GALNTL6: variants seen among roughly 807,000 people sequenced by gnomAD.
The protein encoded by GALNTL6 is polypeptide N-acetylgalactosaminyltransferase like 6.
A neutral mutation model predicts 73.7 loss-of-function variants in GALNTL6; 46 were observed. The ratio of observed to expected loss-of-function variants is 0.62; its 90% CI spans 0.49 to 0.80. The LOEUF (loss-of-function observed/expected upper bound fraction) is 0.80. Among genes scored for constraint, GALNTL6 ranks in the 30% least tolerant of loss-of-function variants. The pLI, the probability that GALNTL6 is intolerant of heterozygous loss-of-function variation, is 0.00. For synonymous variants in GALNTL6, 259 were observed against 263.7 expected (o/e 0.98, Z 0.17); for missense variants, 604 against 755.0 (o/e 0.80, Z 2.34).
chr4:172,288,544 A>G (rs977076046), intron 3 of GALNTL6, among the ~76,000 whole-genome samples: 6 of 152,202 alleles, frequency 3.9e-5, no homozygotes, highest in Non-Finnish European at 7.3e-5. Flanking sequence ...TAATTATTTA[A>G]TTAGAACCTT....
chr4:172,295,377 G>A lies in GALNTL6; in HGVS notation c.248-16237G>A, dbSNP rs1053375860. Among the ~76,000 whole-genome samples, 103 of 150,244 alleles carry A rather than the reference G, an allele frequency of 6.9e-4. 1 individual carries two copies. The highest frequency in any genetic ancestry group is 2.7e-4 in the African/African-American group (11 of 40,824). The stretch of plus-strand genomic sequence containing the variant: ...GTGGAGGTTGCAGTGAGCCAAGATC[G>A]CACCACTGCACTCGAGCCTGGGCAA... On this transcript the variant is annotated intron_variant, in intron 3 of 12. Transcript: ENST00000506823.
At chr4:172,596,446 CAA>C (rs58136953) in intron 5 of GALNTL6, among the ~76,000 whole-genome samples, 1 of 69,846 alleles carries the variant, frequency 1.4e-5, no homozygotes, top group Non-Finnish European at 2.9e-5. Context: ...CATTGTCTCT[CAA>C]AAAAAAAAAA....
At chr4:172,123,225 A>G (rs1374664654) in intron 2 of GALNTL6, among the ~76,000 whole-genome samples, 2 of 152,202 alleles carry the variant, frequency 1.3e-5, no homozygotes, top group Non-Finnish European at 2.9e-5. Context: ...GCTTTGTTTT[A>G]TAATTAATGC....
chr4:171,957,410 C>T (rs1208647286), intron 2 of GALNTL6, among the ~76,000 whole-genome samples: 1 of 152,164 alleles, frequency 6.6e-6, no homozygotes, highest in African/African-American at 2.4e-5. Flanking sequence ...ACATTACTCA[C>T]TTTGGTCCCT....
chr4:172,162,083 A>T (rs558752577), intron 2 of GALNTL6, among the ~76,000 whole-genome samples: 49 of 152,150 alleles, frequency 3.2e-4, no homozygotes, highest in African/African-American at 1.2e-3. Flanking sequence ...GTTGGGAGAA[A>T]ATACGAACAT....
intron 5 of GALNTL6, among the ~76,000 whole-genome samples, chr4:172,612,157 G>A (rs1194746854): frequency 6.6e-6 from 1 of 152,028 alleles, no homozygotes; most frequent in African/African-American, 2.4e-5. Flanking sequence ...TGATGTTATG[G>A]GAAGATAGCA....
chr4:172,570,345 A>G (rs940133432), intron 5 of GALNTL6, among the ~76,000 whole-genome samples: 3 of 152,182 alleles, frequency 2.0e-5, no homozygotes, highest in African/African-American at 7.2e-5. Flanking sequence ...CTAGTTCCAG[A>G]GAAAATTAAA....
chr4:172,997,125 T>G (rs556071125), intron 10 of GALNTL6, among the ~76,000 whole-genome samples: 3 of 152,350 alleles, frequency 2.0e-5, no homozygotes, highest in African/African-American at 7.2e-5. Context: ...TATTTTTGAC[T>G]AGGATCACTT....
intron 5 of GALNTL6, among the ~76,000 whole-genome samples, chr4:172,448,922 A>G (rs542249446): frequency 1.3e-5 from 2 of 152,176 alleles, no homozygotes; most frequent in Non-Finnish European, 2.9e-5. Context: ...TACTAAGTAT[A>G]TTCACTTTCC....
At chr4:171,963,431 G>A (rs1191029871) in intron 2 of GALNTL6, among the ~76,000 whole-genome samples, 2 of 151,634 alleles carry the variant, frequency 1.3e-5, no homozygotes, top group African/African-American at 4.8e-5. Flanking sequence ...TTTAAAGAGT[G>A]GAATTTGCTT....
intron 7 of GALNTL6, among the ~76,000 whole-genome samples, chr4:172,865,870 G>A (rs1050484208): frequency 4.6e-5 from 7 of 152,214 alleles, no homozygotes; most frequent in Non-Finnish European, 8.8e-5. Flanking sequence ...AATCAAACAT[G>A]CCCCAAACCG....
At chr4:172,215,432 A>G (rs886337333) in intron 2 of GALNTL6, among the ~76,000 whole-genome samples, 3 of 152,114 alleles carry the variant, frequency 2.0e-5, no homozygotes, top group Non-Finnish European at 2.9e-5. Context: ...AGGTGCATAC[A>G]TATTAAGGAT....
intron 2 of GALNTL6, among the ~76,000 whole-genome samples, chr4:171,916,876 A>G (rs1737647626): frequency 6.6e-6 from 1 of 152,098 alleles, no homozygotes; most frequent in Non-Finnish European, 1.5e-5. Flanking sequence ...AGAATCTCCA[A>G]AAGAACCCTC....
intron 5 of GALNTL6, among the ~76,000 whole-genome samples, chr4:172,353,676 A>G (rs1742044938): frequency 6.6e-6 from 1 of 151,954 alleles, no homozygotes; most frequent in Non-Finnish European, 1.5e-5. Context: ...CTTTGGAATC[A>G]GCCAATAGAT....
chr4:171,939,393 T>G (rs1462835592), intron 2 of GALNTL6, among the ~76,000 whole-genome samples: 1 of 152,052 alleles, frequency 6.6e-6, no homozygotes, highest in Non-Finnish European at 1.5e-5. Flanking sequence ...CTATACCTAC[T>G]TTTATTACTC....
chr4:172,907,686 C>A (rs1057047406), intron 8 of GALNTL6, among the ~76,000 whole-genome samples: 3 of 152,198 alleles, frequency 2.0e-5, no homozygotes, highest in African/African-American at 7.2e-5. Flanking sequence ...GGTCCTCCGT[C>A]CACAAATGTA....
intron 2 of GALNTL6, among the ~76,000 whole-genome samples, chr4:172,113,105 T>G (rs1732899703): frequency 6.6e-6 from 1 of 151,912 alleles, no homozygotes; most frequent in African/African-American, 2.4e-5. Context: ...GTCTTAGCAT[T>G]TTTTAGAATG....
chr4:172,419,860 C>G (rs1361360459), intron 5 of GALNTL6, among the ~76,000 whole-genome samples: 2 of 152,128 alleles, frequency 1.3e-5, no homozygotes, highest in Non-Finnish European at 2.9e-5. Flanking sequence ...GGCATGCTTT[C>G]ATTGCCTCTG....
intron 5 of GALNTL6, among the ~76,000 whole-genome samples, chr4:172,447,847 A>G (rs336017): frequency 0.87 from 131,837 of 152,146 alleles, 57,165 homozygotes; most frequent in South Asian, 0.89. Context: ...GAGCTTTAGA[A>G]GGGAATGCAT....
Sources: gnomAD v4.1 joint callset for allele counts (sites outside exome capture counted in the v4.1 genomes callset) on GRCh38, gnomAD v4.1.1 for gene constraint, MANE v1.5 for transcripts, NCBI Gene and HGNC (gene_info 2026-07-23, HGNC 2026-07-21) for gene names.